CNTNAP5: variants seen among roughly 807,000 people sequenced by gnomAD.
The protein encoded by CNTNAP5 is contactin associated protein family member 5, also known as contactin-associated protein-like 5.
Under a neutral mutation model 150.2 loss-of-function variants are expected in CNTNAP5, and 72 were observed. The observed-to-expected ratio is 0.48, with a 90% confidence interval of 0.40 to 0.58. The LOEUF is 0.58. Ranked by LOEUF, CNTNAP5 falls within the 20% of genes least tolerant of loss-of-function variation. The pLI is 0.00. For synonymous variants in CNTNAP5, 672 were observed against 619.8 expected, an observed-to-expected ratio of 1.08 and a Z score of -1.25; for missense variants, 1,636 against 1,626.2, an observed-to-expected ratio of 1.01 and a Z score of -0.10.
intron 12 of CNTNAP5, among the ~76,000 whole-genome samples, chr2:124,639,131 A>C (rs1195054604): frequency 6.6e-6 from 1 of 152,204 alleles, no homozygotes; most frequent in African/African-American, 2.4e-5. Flanking sequence ...TTTAGGCCAT[A>C]TGTTAGAGAC....
intron 1 of CNTNAP5, among the ~76,000 whole-genome samples, chr2:124,059,578 G>A (rs576557263): frequency 2.1e-4 from 32 of 151,840 alleles, no homozygotes; most frequent in African/African-American, 7.2e-4. Context: ...TGTCATACAC[G>A]GCACATATTA....
At chr2:124,837,052 T>G (rs781013275) in intron 19 of CNTNAP5, among the ~76,000 whole-genome samples, 3 of 151,890 alleles carry the variant, frequency 2.0e-5, no homozygotes, top group Non-Finnish European at 4.4e-5. Context: ...TCGTGAACTA[T>G]TCACAGGCCT....
intron 3 of CNTNAP5, among the ~76,000 whole-genome samples, chr2:124,269,221 A>T (rs1269944917): frequency 6.6e-6 from 1 of 152,160 alleles, no homozygotes; most frequent in East Asian, 1.9e-4. Context: ...AAAAATAAAA[A>T]TGTGAATCTG....
chr2:124,125,384 C>T, intron 1 of CNTNAP5, among the ~76,000 whole-genome samples: 1 of 152,102 alleles, frequency 6.6e-6, no homozygotes, highest in Non-Finnish European at 1.5e-5. Context: ...ATATATGCAC[C>T]CAATACAGGA....
chr2:124,540,255 A>G (rs2104905132), intron 10 of CNTNAP5, among the ~76,000 whole-genome samples: 1 of 152,324 alleles, frequency 6.6e-6, no homozygotes, highest in South Asian at 2.1e-4. Context: ...TTGGATATGG[A>G]AATCTTCTCA....
chr2:124,387,539 G>T lies in CNTNAP5; in HGVS notation c.382-29904G>T, dbSNP rs1002840737. The stretch of plus-strand genomic sequence containing the variant: ...GGTGAAGTTAAGAGCAATGTTTTGC[G>T]GGCAGGGTGGATCTCACAAAGTACA... On this transcript the variant is annotated intron_variant, in intron 3 of 23. Coordinates refer to ENST00000682447, the MANE Select transcript of CNTNAP5 (RefSeq NM_001367498.1). Among the ~76,000 whole-genome samples the T allele has an allele frequency of 2.6e-5, 4 of 152,114 alleles. No individual in the cohort carries two copies. The East Asian group carries it at 7.7e-4, about 29-fold the overall frequency.
At chr2:124,315,717 A>G (rs1688943712) in intron 3 of CNTNAP5, among the ~76,000 whole-genome samples, 1 of 152,140 alleles carries the variant, frequency 6.6e-6, no homozygotes, top group African/African-American at 2.4e-5. Context: ...TCCCCCAGGG[A>G]TTCTTGGCTC....
intron 1 of CNTNAP5, among the ~76,000 whole-genome samples, chr2:124,080,436 G>T (rs1225357149): frequency 1.3e-5 from 2 of 152,130 alleles, no homozygotes; most frequent in African/African-American, 4.8e-5. Flanking sequence ...ATACCTTCCG[G>T]CTCAGAAAGA....
chr2:124,716,788 T>C (rs1679953853), intron 13 of CNTNAP5, among the ~76,000 whole-genome samples: 1 of 152,176 alleles, frequency 6.6e-6, no homozygotes, highest in African/African-American at 2.4e-5. Flanking sequence ...TCTGGCATGG[T>C]ACCTGCTTAG....
chr2:124,885,916 G>A (rs1306595110), intron 21 of CNTNAP5, among the ~76,000 whole-genome samples: 1 of 151,912 alleles, frequency 6.6e-6, no homozygotes, highest in Non-Finnish European at 1.5e-5. Context: ...TATAAATAGG[G>A]CTGCTGTGAA....
At chr2:124,565,922 T>C (rs1696013642) in intron 11 of CNTNAP5, among the ~76,000 whole-genome samples, 1 of 150,356 alleles carries the variant, frequency 6.7e-6, no homozygotes. Context: ...TCTATGTGAA[T>C]ACGTATAAGA....
At chr2:124,355,530 T>G (rs1005486114) in intron 3 of CNTNAP5, among the ~76,000 whole-genome samples, 3 of 152,120 alleles carry the variant, frequency 2.0e-5, no homozygotes, top group Admixed American at 1.3e-4. Flanking sequence ...CAGCCCTGTA[T>G]GCTGCATGAT....
chr2:124,826,804 G>A (rs917241273), intron 19 of CNTNAP5, among the ~76,000 whole-genome samples: 8 of 152,168 alleles, frequency 5.3e-5, no homozygotes, highest in African/African-American at 1.9e-4. Context: ...CACCTGAGCA[G>A]CAGGTAAATG....
intron 11 of CNTNAP5, among the ~76,000 whole-genome samples, chr2:124,590,958 A>C (rs1558694437): frequency 6.6e-6 from 1 of 152,230 alleles, no homozygotes; most frequent in Non-Finnish European, 1.5e-5. Context: ...CTTAGGCAAT[A>C]AATTAGCTGC....
intron 11 of CNTNAP5, among the ~76,000 whole-genome samples, chr2:124,592,549 A>AT (rs1431755572): frequency 6.6e-6 from 1 of 151,148 alleles, no homozygotes; most frequent in African/African-American, 2.4e-5. Context: ...AGGAAAAAAA[A>AT]ATGCTAAAGA....
chr2:124,551,539 A>T (rs1265362646), intron 10 of CNTNAP5, among the ~76,000 whole-genome samples: 1 of 152,194 alleles, frequency 6.6e-6, no homozygotes, highest in South Asian at 2.1e-4. Flanking sequence ...TTTTTAATGT[A>T]TGCGCTTCAT....
intron 3 of CNTNAP5, among the ~76,000 whole-genome samples, chr2:124,294,764 G>A (rs1331740045): frequency 6.6e-6 from 1 of 152,182 alleles, no homozygotes; most frequent in Admixed American, 6.5e-5. Context: ...CTTTAATGTG[G>A]AAGTGAGTAC....
intron 13 of CNTNAP5, among the ~76,000 whole-genome samples, chr2:124,674,800 A>C (rs1479889717): frequency 6.6e-6 from 1 of 151,932 alleles, no homozygotes; most frequent in African/African-American, 2.4e-5. Context: ...TTTCAAGTTT[A>C]AATTGTTGAT....
At chr2:124,804,029 G>A (rs1682029696) in intron 19 of CNTNAP5, among the ~76,000 whole-genome samples, 1 of 152,172 alleles carries the variant, frequency 6.6e-6, no homozygotes, top group Non-Finnish European at 1.5e-5. Flanking sequence ...TTCAGTCTCT[G>A]GGCTTGTGTC....
Sources: allele counts gnomAD v4.1 joint callset (sites outside exome capture counted in the v4.1 genomes callset), GRCh38; gene constraint gnomAD v4.1.1; transcripts MANE v1.5; gene names NCBI Gene and HGNC (gene_info 2026-07-23, HGNC 2026-07-21).